The following CDK14 variants were observed in gnomAD, a reference collection of about 807,000 sequenced individuals.
CDK14 encodes cyclin dependent kinase 14, also known as cyclin-dependent kinase 14.
A neutral mutation model predicts 60.7 loss-of-function variants in CDK14; 34 were observed. That is an observed-to-expected ratio of 0.56 (90% confidence interval 0.43 to 0.75). The LOEUF (loss-of-function observed/expected upper bound fraction) is 0.75. Ranked by LOEUF, CDK14 falls within the 30% of genes least tolerant of loss-of-function variation. The probability of loss-of-function intolerance (pLI) is 0.00; values close to 1 mark genes in which losing one functional copy is unlikely to be tolerated. For missense variants in CDK14, 482 were observed against 564.1 expected, an observed-to-expected ratio of 0.85 and a Z score of 1.47; for synonymous variants, 197 against 203.7, an observed-to-expected ratio of 0.97 and a Z score of 0.28.
At chr7:90,637,441 G>A (rs1417330553) in intron 2 of CDK14, among the ~76,000 whole-genome samples, 14 of 152,062 alleles carry the variant, frequency 9.2e-5, no homozygotes, top group East Asian at 5.8e-4. Context: ...GTAGTTGAGC[G>A]GTTTTGAGTG....
intron 2 of CDK14, among the ~76,000 whole-genome samples, chr7:90,684,644 A>G (rs1200961116): frequency 1.3e-5 from 2 of 152,190 alleles, no homozygotes; most frequent in Admixed American, 6.5e-5. Context: ...CAACTTCAAC[A>G]GTTTCCTATT....
In CDK14 at chr7:90,917,708, A is replaced by G; in HGVS notation, c.810A>G (p.Leu270=). The change falls in exon 8 of 15, where the codon TTA becomes TTG. Residue 270 remains leucine (L), a synonymous_variant. Coordinates refer to ENST00000380050, the MANE Select transcript of CDK14 (RefSeq NM_001287135.2). The stretch of plus-strand genomic sequence containing the variant: ...TTCTGATCAGTGACACGGGGGAGTT[A>G]AAGCTGGCAGATTTCGGTAGGAAAG... ...QNLLISDTGE[L]KLADFGLARA... The G allele has an allele frequency of 2.5e-6, 4 of 1,613,008 alleles. No individual in the cohort carries two copies. Among genetic ancestry groups the G allele is most frequent in the Non-Finnish European group, 3.4e-6 (4 of 1,179,240 alleles).
chr7:90,780,995 T>C (rs970501022), intron 4 of CDK14, among the ~76,000 whole-genome samples: 3 of 151,990 alleles, frequency 2.0e-5, no homozygotes, highest in Admixed American at 2.0e-4. Flanking sequence ...TCCACAATGG[T>C]TGAACTAGTT....
At chr7:90,675,013 G>GT (rs1350487458) in intron 2 of CDK14, among the ~76,000 whole-genome samples, 1 of 152,168 alleles carries the variant, frequency 6.6e-6, no homozygotes, top group African/African-American at 2.4e-5. Flanking sequence ...ATTAAGAATA[G>GT]TTTTTTTCTT....
intron 4 of CDK14, among the ~76,000 whole-genome samples, chr7:90,754,031 T>G (rs1171194123): frequency 6.6e-6 from 1 of 152,246 alleles, no homozygotes; most frequent in Non-Finnish European, 1.5e-5. Flanking sequence ...GAAGAATCAA[T>G]ATTGTTAAAA....
At chr7:91,120,646 C>T (rs568400471) in intron 14 of CDK14, among the ~76,000 whole-genome samples, 1 of 151,898 alleles carries the variant, frequency 6.6e-6, no homozygotes, top group Non-Finnish European at 1.5e-5. Context: ...AAGCAATTCT[C>T]CTGCCTCAGC....
chr7:91,176,533 A>C (rs1283032568), intron 14 of CDK14, among the ~76,000 whole-genome samples: 1 of 152,194 alleles, frequency 6.6e-6, no homozygotes, highest in Non-Finnish European at 1.5e-5. Flanking sequence ...GGTTTTTTGA[A>C]AGGATCAACA....
At chr7:90,968,799 A>G (rs1199615482) in intron 9 of CDK14, among the ~76,000 whole-genome samples, 1 of 149,574 alleles carries the variant, frequency 6.7e-6, no homozygotes, top group Non-Finnish European at 1.5e-5. Flanking sequence ...TTTCTCACAC[A>G]CTGGGTGTGG....
At chr7:90,890,936 A>C (rs552054682) in intron 6 of CDK14, among the ~76,000 whole-genome samples, 1 of 152,204 alleles carries the variant, frequency 6.6e-6, no homozygotes, top group Admixed American at 6.5e-5. Flanking sequence ...GTTCAGAACC[A>C]CCCTTAAGTG....
At chr7:90,896,375 G>A (rs565738941) in intron 6 of CDK14, among the ~76,000 whole-genome samples, 1 of 151,568 alleles carries the variant, frequency 6.6e-6, no homozygotes, top group East Asian at 1.9e-4. Context: ...TCCTCCTGCT[G>A]CCATTGAACT....
At chr7:90,708,514 A>T (rs573984600) in intron 2 of CDK14, among the ~76,000 whole-genome samples, 11 of 152,214 alleles carry the variant, frequency 7.2e-5, no homozygotes, top group African/African-American at 2.4e-4. Context: ...ATAACTTTTT[A>T]AAAAGATTTT....
intron 2 of CDK14, among the ~76,000 whole-genome samples, chr7:90,680,531 A>G (rs1182613878): frequency 6.6e-6 from 1 of 152,214 alleles, no homozygotes; most frequent in Non-Finnish European, 1.5e-5. Context: ...GTCAGATAGA[A>G]TGAGTTTCTA....
chr7:90,965,697 A>T (rs116307919), intron 9 of CDK14, among the ~76,000 whole-genome samples: 133 of 152,336 alleles, frequency 8.7e-4, no homozygotes, highest in African/African-American at 3.0e-3. Flanking sequence ...CATTAGAGAT[A>T]CAGTTTTCAA....
rs893008831 is a variant in CDK14 at position 90,819,288 on chromosome 7, C to T, written c.544+28636C>T. 9.9e-5 allele frequency among the ~76,000 whole-genome samples: 15 copies of T among 152,236 alleles called. No homozygotes were observed. The South Asian group carries it at 2.7e-3, about 27-fold the overall frequency. On this transcript the variant is annotated intron_variant, in intron 5 of 14. Coordinates refer to ENST00000380050, the MANE Select transcript of CDK14 (RefSeq NM_001287135.2). ...TTTTTCTTTGTTTACAAGGAAGTAA[C>T]TGAAATGATTTGTTATGCATATGTG...
chr7:91,168,656 C>G (rs1801423815), intron 14 of CDK14, among the ~76,000 whole-genome samples: 1 of 152,210 alleles, frequency 6.6e-6, no homozygotes, highest in African/African-American at 2.4e-5. Flanking sequence ...CAAATATCCA[C>G]TAACACAAGT....
At chr7:90,679,166 G>A (rs373434532) in intron 2 of CDK14, among the ~76,000 whole-genome samples, 1 of 152,006 alleles carries the variant, frequency 6.6e-6, no homozygotes, top group African/African-American at 2.4e-5. Context: ...TGCCCACGCT[G>A]GTATCAAATT....
intron 10 of CDK14, among the ~76,000 whole-genome samples, chr7:91,003,472 A>C (rs1474109124): frequency 6.6e-6 from 1 of 151,540 alleles, no homozygotes; most frequent in Admixed American, 6.6e-5. Context: ...CTTAGAAAAA[A>C]ATAAATCGTT....
At chr7:90,739,275 A>G (rs1803253274) in intron 3 of CDK14, among the ~76,000 whole-genome samples, 1 of 152,206 alleles carries the variant, frequency 6.6e-6, no homozygotes, top group Admixed American at 6.5e-5. Flanking sequence ...ATTTTCTGCC[A>G]TTGTAGTGTT....
intron 4 of CDK14, among the ~76,000 whole-genome samples, chr7:90,779,086 T>G (rs1201434527): frequency 6.6e-6 from 1 of 151,996 alleles, no homozygotes; most frequent in Non-Finnish European, 1.5e-5. Flanking sequence ...ACCCCGTCTC[T>G]ACTACAGATA....
Sources: gnomAD v4.1 joint callset for allele counts (sites outside exome capture counted in the v4.1 genomes callset) on GRCh38, gnomAD v4.1.1 for gene constraint, MANE v1.5 for transcripts, NCBI Gene and HGNC (gene_info 2026-07-23, HGNC 2026-07-21) for gene names.